The following DOCK4 variants were observed in gnomAD, a reference collection of about 807,000 sequenced individuals.
DOCK4 encodes dedicator of cytokinesis 4.
In DOCK4, 97 loss-of-function variants were observed where a neutral mutation model predicts 268.1. The ratio of observed to expected loss-of-function variants is 0.36; its 90% CI spans 0.31 to 0.43. The LOEUF (loss-of-function observed/expected upper bound fraction) is 0.43, where lower values mean the gene tolerates loss of function less well. DOCK4 is among the 20% of genes least tolerant of loss of function. The probability of loss-of-function intolerance (pLI) is 1.00; values close to 1 mark genes in which losing one functional copy is unlikely to be tolerated. For missense variants in DOCK4, 2,145 were observed against 2,455.7 expected, an observed-to-expected ratio of 0.87 and a Z score of 2.67; for synonymous variants, 954 against 887.2, an observed-to-expected ratio of 1.08 and a Z score of -1.34.
chr7:112,139,311 T>C (rs1814669274), intron 1 of DOCK4, among the ~76,000 whole-genome samples: 1 of 152,074 alleles, frequency 6.6e-6, no homozygotes, highest in Non-Finnish European at 1.5e-5. Context: ...AAGGGCTGAG[T>C]CTTTCGAACA....
chr7:112,043,148 C>T (rs562546526), intron 1 of DOCK4, among the ~76,000 whole-genome samples: 2 of 152,006 alleles, frequency 1.3e-5, no homozygotes, highest in African/African-American at 2.4e-5. Flanking sequence ...CTAAGACAGG[C>T]AGAGAAAGGA....
At chr7:111,806,262 A>T (rs1053853250) in intron 30 of DOCK4, among the ~76,000 whole-genome samples, 2 of 152,216 alleles carry the variant, frequency 1.3e-5, no homozygotes, top group African/African-American at 2.4e-5. Flanking sequence ...CCTAAGTAAC[A>T]AGCTGACTTA....
rs1357575949 is a variant in DOCK4, at chr7:112,092,738, C to T, written c.38-88607G>A. 5.3e-5 allele frequency among the ~76,000 whole-genome samples: 8 copies of T among 152,244 alleles called. 1 individual carries two copies. In the South Asian group the frequency reaches 1.5e-3, roughly 28 times the overall value. ...TCTTCCTTTTCTTTTTTAACATGCC[C>T]GACAGGCAGCAATAGATCAGAAGGC... On this transcript the variant is annotated intron_variant, in intron 1 of 52. Coordinates refer to ENST00000428084, the MANE Select transcript of DOCK4 (RefSeq NM_001363540.2).
chr7:111,944,422 T>C (rs903495748), intron 10 of DOCK4, among the ~76,000 whole-genome samples: 2 of 152,100 alleles, frequency 1.3e-5, no homozygotes, highest in African/African-American at 4.8e-5. Flanking sequence ...CTTTGGAAAA[T>C]GCCAATTTAT....
chr7:111,759,365 A>G (rs1035249492), intron 40 of DOCK4, among the ~76,000 whole-genome samples: 3 of 152,262 alleles, frequency 2.0e-5, no homozygotes, highest in Middle Eastern at 3.4e-3. Flanking sequence ...GTGTTTAGTT[A>G]TAGTTTATAT....
At chr7:111,834,484 G>A (rs1458320902) in intron 26 of DOCK4, 104 bp downstream of exon 26, 1 of 892,950 alleles carries the variant, frequency 1.1e-6, no homozygotes, top group Non-Finnish European at 1.7e-6. Context: ...GAACTTAATG[G>A]AAACAGGTAA....
chr7:112,205,075 T>G (rs767900171), intron 1 of DOCK4, among the ~76,000 whole-genome samples: 20 of 152,090 alleles, frequency 1.3e-4, no homozygotes, highest in Non-Finnish European at 2.2e-4. Flanking sequence ...AAGGAGTAAC[T>G]GTCAAGGGGC....
intron 5 of DOCK4, among the ~76,000 whole-genome samples, chr7:111,991,961 C>CAAAAAAAAAAAAAAAAAA (rs60667093): frequency 3.9e-5 from 2 of 50,916 alleles, no homozygotes; most frequent in East Asian, 7.3e-4. Flanking sequence ...ACTCTGTCTC[C>CAAAAAAAAAAAAAAAAAA]AAAAAAAAAA....
At chr7:111,760,453 G>C (rs1797314583) in intron 39 of DOCK4, 131 bp from the exon 40 acceptor site, 1 of 920,576 alleles carries the variant, frequency 1.1e-6, no homozygotes, top group Non-Finnish European at 1.6e-6. Flanking sequence ...AATTACGCTG[G>C]AACAATCTGA....
Position 112,206,041 on chromosome 7 carries a change from AC to A in DOCK4, c.37+60del, listed in dbSNP as rs1821379315. ...GAGCGAGAGGGGCGCGGGGGCAAGG[AC>A]GAGAAATGCGCACTCGCTCGGGCCA... On this transcript the variant is annotated intron_variant, in intron 1 of 52. Coordinates refer to ENST00000428084, the MANE Select transcript of DOCK4 (RefSeq NM_001363540.2). The A allele has an allele frequency of 2.0e-6, 3 of 1,534,836 alleles. No individual in the cohort carries two copies. The African/African-American group carries it at 4.1e-5, about 21-fold the overall frequency.
intron 35 of DOCK4, among the ~76,000 whole-genome samples, chr7:111,779,227 T>C (rs1255663454): frequency 1.3e-5 from 2 of 152,176 alleles, no homozygotes; most frequent in East Asian, 3.9e-4. Context: ...TTCAAATGTT[T>C]CCAGTTTATG....
chr7:111,811,806 G>C, intron 28 of DOCK4, 68 bp downstream of exon 28: 1 of 921,276 alleles, frequency 1.1e-6, no homozygotes, highest in Non-Finnish European at 1.7e-6. Context: ...GAAAATGTTA[G>C]GTAATTTCCT....
chr7:111,812,429 G>A (rs965060561), intron 27 of DOCK4, among the ~76,000 whole-genome samples: 1 of 152,130 alleles, frequency 6.6e-6, no homozygotes, highest in African/African-American at 2.4e-5. Flanking sequence ...ACAGGTGCAT[G>A]CTGCTGTGTC....
At chr7:111,973,026 A>G (rs1049865786) in intron 8 of DOCK4, among the ~76,000 whole-genome samples, 5 of 151,464 alleles carry the variant, frequency 3.3e-5, no homozygotes, top group Non-Finnish European at 7.4e-5. Context: ...CCAACTTATG[A>G]GTGAGAACAT....
intron 50 of DOCK4, among the ~76,000 whole-genome samples, chr7:111,735,664 T>C (rs988018720): frequency 1.3e-5 from 2 of 152,234 alleles, no homozygotes; most frequent in African/African-American, 4.8e-5. Flanking sequence ...CACTGAAATA[T>C]GTCCTTAAAA....
chr7:112,194,073 G>C (rs1473018680), intron 1 of DOCK4, among the ~76,000 whole-genome samples: 1 of 152,060 alleles, frequency 6.6e-6, no homozygotes, highest in Non-Finnish European at 1.5e-5. Context: ...TCCATATTGG[G>C]AGTTAGGGCT....
chr7:112,025,234 G>A (rs978997522), intron 1 of DOCK4, among the ~76,000 whole-genome samples: 1 of 152,076 alleles, frequency 6.6e-6, no homozygotes, highest in Non-Finnish European at 1.5e-5. Context: ...ATAAAAAGCT[G>A]CCTTTTCTAC....
intron 1 of DOCK4, among the ~76,000 whole-genome samples, chr7:112,039,464 G>GT (rs61011637): frequency 1.3e-5 from 2 of 150,998 alleles, no homozygotes; most frequent in African/African-American, 2.4e-5. Context: ...GAAGTCTTCT[G>GT]TTTTTTTGTT....
chr7:111,950,585 C>T (rs1312378109), intron 8 of DOCK4, among the ~76,000 whole-genome samples: 3 of 152,076 alleles, frequency 2.0e-5, no homozygotes, highest in African/African-American at 7.2e-5. Context: ...ATAAGACTAA[C>T]CAAATACAAT....
Sources: gnomAD v4.1 joint callset for allele counts (sites outside exome capture counted in the v4.1 genomes callset) on GRCh38, gnomAD v4.1.1 for gene constraint, MANE v1.5 for transcripts, NCBI Gene and HGNC (gene_info 2026-07-23, HGNC 2026-07-21) for gene names.